The following UNC79 variants were observed in gnomAD, a reference collection of about 807,000 sequenced individuals.
UNC79 encodes the protein unc-79 subunit of NALCN channel complex, also known as protein unc-79 homolog.
Under a neutral mutation model 283.1 loss-of-function variants are expected in UNC79, and 37 were observed. That is an observed-to-expected ratio of 0.13 (90% CI 0.10 to 0.17). The LOEUF is 0.17. Ranked by LOEUF, UNC79 falls within the 10% of genes least tolerant of loss-of-function variation. The pLI is 1.00. For synonymous variants in UNC79, 1,107 were observed against 1,200.2 expected, an observed-to-expected ratio of 0.92 and a Z score of 1.61; for missense variants, 2,272 against 3,211.1, an observed-to-expected ratio of 0.71 and a Z score of 7.07.
At chr14:93,456,035 G>A (rs2056788316) in intron 1 of UNC79, among the ~76,000 whole-genome samples, 1 of 151,874 alleles carries the variant, frequency 6.6e-6, no homozygotes, top group Non-Finnish European at 1.5e-5. Flanking sequence ...ACAGATGTAT[G>A]ATGAGGTGAA....
At chr14:93,603,463 T>C (rs1236407867) in intron 26 of UNC79, 45 bp downstream of exon 26, 1 of 1,586,854 alleles carries the variant, frequency 6.3e-7, no homozygotes. Flanking sequence ...GTTTAATGTC[T>C]TTCTGAGGCT....
rs760419821 is a variant in UNC79, at chr14:93,637,228, C to A, written c.5729C>A (p.Pro1910His). Residue 1910 changes from proline to histidine, a missense_variant, in exon 32 of 49, where the codon CCT (proline) becomes CAT (histidine). This residue lies in a region of UNC79 where 580 missense variants were observed against 632.2 expected (regional missense o/e 0.92). Coordinates refer to ENST00000555664, the Ensembl canonical transcript of UNC79. ...TATTTATCCACAGAACAGATACAGC[C>A]TGGGAAACGCCAGTGTAACGTGCCA... 2 of 1,305,126 alleles carry A rather than the reference C, an allele frequency of 1.5e-6. No individual in the cohort carries two copies. The highest frequency in any genetic ancestry group is 2.2e-6 in the Non-Finnish European group (2 of 898,084). 80.8% of individuals were successfully genotyped at this position (1,305,126 alleles called of 1,614,324 possible).
At chr14:93,412,976 C>G (rs186649715) in intron 1 of UNC79, among the ~76,000 whole-genome samples, 1 of 152,050 alleles carries the variant, frequency 6.6e-6, no homozygotes, top group African/African-American at 2.4e-5. Flanking sequence ...TAGTTAAGTA[C>G]ACAAAAAAAC....
At chr14:93,498,413 C>T (rs1190044034) in intron 7 of UNC79, among the ~76,000 whole-genome samples, 1 of 151,862 alleles carries the variant, frequency 6.6e-6, no homozygotes, top group Non-Finnish European at 1.5e-5. Context: ...ATGGTGAAAC[C>T]CCGTCTCTAC....
chr14:93,459,499 T>C (rs954189500), intron 1 of UNC79, among the ~76,000 whole-genome samples: 5 of 152,222 alleles, frequency 3.3e-5, no homozygotes, highest in Admixed American at 6.5e-5. Flanking sequence ...GAAGTGTCCA[T>C]ATTTCATGCT....
intron 3 of UNC79, among the ~76,000 whole-genome samples, chr14:93,475,399 C>T (rs977585168): frequency 8.5e-5 from 13 of 152,066 alleles, no homozygotes; most frequent in African/African-American, 2.7e-4. Flanking sequence ...TTTAGTACAA[C>T]GTGTTCATAA....
rs35564821 is a variant in UNC79, at chr14:93,454,048, CTT to C, written c.23-13609_23-13608del. Reference sequence around the variant, plus strand: ...ATTTCCATGTTTAGACTTTTTAAATCTTTTTTTTTTTTTTTGAGTCAGGGTCT... The same window carrying C: ...ATTTCCATGTTTAGACTTTTTAAATCTTTTTTTTTTTTTGAGTCAGGGTCT... On this transcript the variant is annotated intron_variant, in intron 1 of 48. Transcript: ENST00000555664. Among the ~76,000 whole-genome samples, 711 of 137,120 alleles carry C rather than the reference CTT, an allele frequency of 5.2e-3. 1 individual carries two copies. The highest frequency in any genetic ancestry group is 0.012 in the African/African-American group (420 of 36,378). 90.0% of individuals were successfully genotyped at this position (137,120 alleles called of 152,430 possible). A position where few individuals can be genotyped will look rare whatever the true frequency, so the allele number is the denominator to read the frequency against.
At position 93,528,967 on chromosome 14, in the gene UNC79, C is replaced by T. The variant is rs1302917744; in HGVS notation, c.1053-319C>T. Among the ~76,000 whole-genome samples the T allele has an allele frequency of 2.0e-5, 3 of 152,126 alleles. No homozygotes were observed. In the East Asian group the frequency reaches 5.8e-4, roughly 29 times the overall value. ...AGAAAACTGTGGTTTCCAAACATGA[C>T]ATACAAATTATATGGGTTCTTTTTG... On this transcript the variant is annotated intron_variant, in intron 9 of 48. Coordinates refer to ENST00000555664, the Ensembl canonical transcript of UNC79.
intron 1 of UNC79, among the ~76,000 whole-genome samples, chr14:93,336,068 C>G (rs896942492): frequency 2.0e-5 from 3 of 152,114 alleles, no homozygotes; most frequent in African/African-American, 7.2e-5. Flanking sequence ...CTTTTCCTTC[C>G]TTTGTACCCC....
chr14:93,357,044 T>C (rs969756288), intron 1 of UNC79, among the ~76,000 whole-genome samples: 4 of 152,194 alleles, frequency 2.6e-5, no homozygotes, highest in African/African-American at 9.7e-5. Context: ...CAGTGTTTCT[T>C]GTTCCTTTGT....
chr14:93,384,363 T>C (rs1455089247), intron 1 of UNC79, among the ~76,000 whole-genome samples: 1 of 152,212 alleles, frequency 6.6e-6, no homozygotes, highest in Non-Finnish European at 1.5e-5. Context: ...CAGCATTTGT[T>C]ATTGTCTAAC....
chr14:93,540,014 T>C (rs1349173082), intron 12 of UNC79, among the ~76,000 whole-genome samples: 1 of 152,220 alleles, frequency 6.6e-6, no homozygotes, highest in Non-Finnish European at 1.5e-5. Context: ...TTTCTTAGGG[T>C]AGATGACCAG....
In UNC79 at chr14:93,603,484, G is replaced by T; in HGVS notation, c.3754+66G>T. 2.6e-6 allele frequency: 4 copies of T among 1,547,168 alleles called. No homozygotes were observed. In the South Asian group the frequency reaches 3.6e-5, roughly 14 times the overall value. ...TGTCTTTCTGAGGCTGACTTGTCTT[G>T]TTGAATGTTCACAGAGAGTATAGCA... On this transcript the variant is annotated intron_variant, in intron 26 of 48. Coordinates refer to ENST00000555664, the Ensembl canonical transcript of UNC79.
chr14:93,419,640 T>C (rs1264122556), intron 1 of UNC79, among the ~76,000 whole-genome samples: 2 of 151,896 alleles, frequency 1.3e-5, no homozygotes, highest in African/African-American at 2.4e-5. Context: ...TTTGTTTACT[T>C]ACGCACACAG....
chr14:93,534,830 C>T (rs2060995764), intron 11 of UNC79, among the ~76,000 whole-genome samples: 1 of 152,148 alleles, frequency 6.6e-6, no homozygotes, highest in East Asian at 1.9e-4. Context: ...ATATGACAAA[C>T]TTATTTTTAG....
intron 1 of UNC79, among the ~76,000 whole-genome samples, chr14:93,357,798 T>C (rs370917346): frequency 1.7e-5 from 2 of 116,596 alleles, no homozygotes; most frequent in South Asian, 2.8e-4. Context: ...TATATATATA[T>C]GGATATATGG....
At position 93,621,586 on chromosome 14, in the gene UNC79, A is replaced by C; in HGVS notation, c.4388-35A>C. On this transcript the variant is annotated intron_variant, in intron 29 of 48. Transcript: ENST00000555664. The surrounding 1 kb of genome is among the most constrained non-coding windows in gnomAD (Gnocchi z 4.8). ...AGGGGAAAAAATGGTGAAATCTCCA[A>C]GTAAAATAGTACTAGCTTTTTCTGT... is the stretch of plus-strand genomic sequence containing the variant. 6.7e-7 allele frequency: 1 copy of C among 1,500,662 alleles called. No individual in the cohort carries two copies. Among genetic ancestry groups the C allele is most frequent in the Non-Finnish European group, 8.9e-7 (1 of 1,127,222 alleles). 93.0% of individuals were successfully genotyped at this position (1,500,662 alleles called of 1,614,324 possible). A position where few individuals can be genotyped will look rare whatever the true frequency, so the allele number is the denominator to read the frequency against.
chr14:93,370,194 G>A (rs1447618598), intron 1 of UNC79, among the ~76,000 whole-genome samples: 1 of 152,002 alleles, frequency 6.6e-6, no homozygotes, highest in Non-Finnish European at 1.5e-5. Flanking sequence ...CATAAAGAAC[G>A]ATTTGAAGAA....
At chr14:93,703,328 G>C (rs368735870) in intron 47 of UNC79, among the ~76,000 whole-genome samples, 1 of 152,156 alleles carries the variant, frequency 6.6e-6, no homozygotes, top group African/African-American at 2.4e-5. Flanking sequence ...TCAAGGTGTC[G>C]GCAGGGTTGG....
Sources: gnomAD v4.1 joint callset for allele counts (sites outside exome capture counted in the v4.1 genomes callset) on GRCh38, gnomAD v4.1.1 for gene constraint, gnomAD v4.1.1 regional missense constraint, Gnocchi (gnomAD v3.1) non-coding constraint, MANE v1.5 for transcripts, NCBI Gene and HGNC (gene_info 2026-07-23, HGNC 2026-07-21) for gene names.